Variants in PTPRK observed in about 807,000 individuals in gnomAD.
PTPRK encodes the protein receptor-type tyrosine-protein phosphatase kappa.
Under a neutral mutation model 178.0 loss-of-function variants are expected in PTPRK, and 75 were observed. The observed-to-expected ratio is 0.42, with a 90% CI of 0.35 to 0.51. PTPRK has a LOEUF of 0.51. PTPRK is among the 20% of genes least tolerant of loss of function. The pLI, the probability that PTPRK is intolerant of heterozygous loss-of-function variation, is 0.02. For synonymous variants in PTPRK, 637 were observed against 620.6 expected (o/e 1.03, Z -0.39); for missense variants, 1,441 against 1,797.8 (o/e 0.80, Z 3.59).
At position 127,982,951 on chromosome 6, in the gene PTPRK, A is replaced by G; in HGVS notation, c.3417T>C (p.Ile1139=). The change falls in exon 24 of 30, where the codon ATT becomes ATC. Residue 1139 remains isoleucine (I), a synonymous_variant. Transcript: ENST00000368226. The part of the protein sequence containing the change: ...EEQYIFIHDA[I]LEACLCGETA... ...TTTCTCCACATAAGCAGGCTTCTAA[A>G]ATGGCATCATGAATAAAAATGTACT... 2 of 1,613,320 alleles carry G rather than the reference A, an allele frequency of 1.2e-6. No individual in the cohort carries two copies.
chr6:128,240,273 G>A (rs1052217604), intron 4 of PTPRK, 123 bp from the exon 5 acceptor site: 29 of 707,886 alleles, frequency 4.1e-5, no homozygotes, highest in Non-Finnish European at 6.3e-5. Flanking sequence ...ACATCAGAAA[G>A]AAGAAAACTG....
chr6:128,208,083 T>C (rs1807299462), intron 6 of PTPRK, among the ~76,000 whole-genome samples: 1 of 152,070 alleles, frequency 6.6e-6, no homozygotes, highest in Admixed American at 6.6e-5. Context: ...TTTACATCTT[T>C]ACCATGCATC....
At chr6:128,014,472 T>C (rs1047776874) in intron 13 of PTPRK, among the ~76,000 whole-genome samples, 1 of 151,560 alleles carries the variant, frequency 6.6e-6, no homozygotes, top group Non-Finnish European at 1.5e-5. Flanking sequence ...TTAATAACAT[T>C]ACCCATCTTG....
intron 1 of PTPRK, among the ~76,000 whole-genome samples, chr6:128,443,085 CA>C (rs61179537): frequency 2.5e-4 from 36 of 144,194 alleles, no homozygotes; most frequent in African/African-American, 8.4e-4. Context: ...GTACACTTCA[CA>C]AAAAAAAAAC....
intron 1 of PTPRK, among the ~76,000 whole-genome samples, chr6:128,499,708 T>TTA (rs1855267130): frequency 6.6e-6 from 1 of 152,240 alleles, no homozygotes; most frequent in South Asian, 2.1e-4. Context: ...TCTTTTTGCA[T>TTA]TGTGACTCAG....
intron 7 of PTPRK, among the ~76,000 whole-genome samples, chr6:128,127,422 A>C (rs1793558328): frequency 6.6e-6 from 1 of 152,238 alleles, no homozygotes; most frequent in South Asian, 2.1e-4. Context: ...CTATTCCATG[A>C]ACACAGAATA....
intron 1 of PTPRK, among the ~76,000 whole-genome samples, chr6:128,493,931 C>T (rs956001873): frequency 6.6e-6 from 1 of 152,140 alleles, no homozygotes; most frequent in Admixed American, 6.5e-5. Flanking sequence ...TCTACATGTC[C>T]ATTTCTCCAA....
intron 7 of PTPRK, among the ~76,000 whole-genome samples, chr6:128,090,827 G>C (rs41439546): frequency 0.085 from 12,901 of 152,006 alleles, 885 homozygotes; most frequent in African/African-American, 0.18. Flanking sequence ...AACATCTACA[G>C]AGTAAAAAAA....
In PTPRK at chr6:128,154,485, C is replaced by T. The variant is rs145419322; in HGVS notation, c.1162+29947G>A. Among the ~76,000 whole-genome samples, 79 of 151,700 alleles carry T rather than the reference C, an allele frequency of 5.2e-4. 1 individual carries two copies. The East Asian group carries it at 0.014, about 26-fold the overall frequency. ...ACTACCATATTTTAGATAAAAATTT[C>T]TTCTTTAATAGTCTATATATCTTTG... On this transcript the variant is annotated intron_variant, in intron 7 of 29. Transcript: ENST00000368226.
intron 3 of PTPRK, among the ~76,000 whole-genome samples, chr6:128,266,890 A>G (rs140851307): frequency 0.01 from 1,560 of 152,226 alleles, 100 homozygotes; most frequent in Admixed American, 0.094. Flanking sequence ...GAATATAGCA[A>G]AGAGTAATTT....
chr6:128,103,572 C>A (rs1188688920), intron 7 of PTPRK, among the ~76,000 whole-genome samples: 1 of 152,168 alleles, frequency 6.6e-6, no homozygotes, highest in Non-Finnish European at 1.5e-5. Flanking sequence ...TTCAGCTGAA[C>A]AGGTGAGCCA....
intron 7 of PTPRK, among the ~76,000 whole-genome samples, chr6:128,129,456 G>A (rs757688424): frequency 1.8e-4 from 28 of 152,054 alleles, no homozygotes; most frequent in Non-Finnish European, 2.5e-4. Flanking sequence ...CAGGAATTAA[G>A]TATTCACCTA....
intron 3 of PTPRK, among the ~76,000 whole-genome samples, chr6:128,279,096 C>T (rs1821265029): frequency 6.6e-6 from 1 of 151,886 alleles, no homozygotes; most frequent in South Asian, 2.1e-4. Flanking sequence ...GAGATACAGC[C>T]TAAGCACTTA....
At chr6:128,395,346 G>A (rs967083413) in intron 2 of PTPRK, among the ~76,000 whole-genome samples, 1 of 152,082 alleles carries the variant, frequency 6.6e-6, no homozygotes, top group Non-Finnish European at 1.5e-5. Flanking sequence ...TGGAAGATAT[G>A]GCTGAATTTC....
At chr6:128,099,178 TTA>T (rs1174260138) in intron 7 of PTPRK, among the ~76,000 whole-genome samples, 70 of 146,688 alleles carry the variant, frequency 4.8e-4, no homozygotes, top group Non-Finnish European at 8.3e-4. Context: ...AATAATACAT[TTA>T]TATATATATA....
chr6:128,277,895 T>A (rs1820984430), intron 3 of PTPRK, among the ~76,000 whole-genome samples: 1 of 151,292 alleles, frequency 6.6e-6, no homozygotes, highest in Admixed American at 6.6e-5. Flanking sequence ...TTGCTAATAC[T>A]GACAAAAATG....
At chr6:128,276,279 G>A (rs1288913964) in intron 3 of PTPRK, among the ~76,000 whole-genome samples, 2 of 152,006 alleles carry the variant, frequency 1.3e-5, no homozygotes, top group Non-Finnish European at 2.9e-5. Flanking sequence ...ATTTAAGAAA[G>A]CAGAAATATT....
chr6:128,153,335 T>C (rs534733888), intron 7 of PTPRK, among the ~76,000 whole-genome samples: 43 of 152,000 alleles, frequency 2.8e-4, no homozygotes, highest in African/African-American at 1.0e-3. Flanking sequence ...TATAGCACAA[T>C]GTGCTGCAGC....
At chr6:128,352,113 G>C (rs1472003436) in intron 2 of PTPRK, among the ~76,000 whole-genome samples, 3 of 151,712 alleles carry the variant, frequency 2.0e-5, no homozygotes, top group African/African-American at 7.3e-5. Context: ...AATTAGCCGG[G>C]CATGGTGGCG....
Sources: allele counts gnomAD v4.1 joint callset (sites outside exome capture counted in the v4.1 genomes callset), GRCh38; gene constraint gnomAD v4.1.1; transcripts MANE v1.5; gene names NCBI Gene and HGNC (gene_info 2026-07-23, HGNC 2026-07-21).